Variants in SMYD3 observed in about 807,000 individuals in gnomAD.
SMYD3 encodes the protein histone-lysine N-methyltransferase SMYD3.
Under a neutral mutation model 57.7 loss-of-function variants are expected in SMYD3, and 36 were observed. The ratio of observed to expected loss-of-function variants is 0.62; its 90% CI spans 0.48 to 0.82. The LOEUF (loss-of-function observed/expected upper bound fraction) is 0.82, where lower values mean the gene tolerates loss of function less well. SMYD3 is among the 40% of genes least tolerant of loss of function. SMYD3 has a pLI of 0.00. For missense variants in SMYD3, 515 were observed against 538.8 expected (o/e 0.96, Z 0.44); for synonymous variants, 211 against 195.0 (o/e 1.08, Z -0.68).
chr1:246,343,816 A>G (rs897318712), intron 2 of SMYD3, among the ~76,000 whole-genome samples: 8 of 152,152 alleles, frequency 5.3e-5, no homozygotes, highest in African/African-American at 1.7e-4. Flanking sequence ...TTCTTCAAAC[A>G]ATAGTCTAAT....
In SMYD3 at chr1:246,142,671, CTGTT is replaced by C. The variant is rs112542914; in HGVS notation, c.531+184526_531+184529del. Among the ~76,000 whole-genome samples, 83 of 152,310 alleles carry C rather than the reference CTGTT, an allele frequency of 5.4e-4. 1 individual carries two copies. The highest frequency in any genetic ancestry group is 1.9e-3 in the African/African-American group (81 of 41,556). On this transcript the variant is annotated intron_variant, in intron 5 of 11. Transcript: ENST00000490107. ...CAGTGCACGACTGTAAACCTATGAA[CTGTT>C]TATTTCTGGAATTTTCCATGTAATA...
chr1:245,934,910 C>G (rs1326105074), intron 5 of SMYD3, among the ~76,000 whole-genome samples: 1 of 152,212 alleles, frequency 6.6e-6, no homozygotes, highest in Non-Finnish European at 1.5e-5. Context: ...TAAGCTGCAT[C>G]TTCACTACAC....
intron 1 of SMYD3, among the ~76,000 whole-genome samples, chr1:246,372,743 G>C (rs1226840790): frequency 6.6e-6 from 1 of 152,204 alleles, no homozygotes; most frequent in African/African-American, 2.4e-5. Context: ...GTAATCCAAG[G>C]ACTTTGTGGG....
At chr1:246,354,496 A>T (rs1162495642) in intron 2 of SMYD3, among the ~76,000 whole-genome samples, 1 of 152,224 alleles carries the variant, frequency 6.6e-6, no homozygotes, top group Non-Finnish European at 1.5e-5. Context: ...GGCAATACCA[A>T]ATATTAGAAA....
chr1:246,058,451 G>A (rs1159341316), intron 5 of SMYD3, among the ~76,000 whole-genome samples: 1 of 152,214 alleles, frequency 6.6e-6, no homozygotes, highest in Non-Finnish European at 1.5e-5. Context: ...AACTATGAAT[G>A]ATGAAAGAAA....
intron 8 of SMYD3, among the ~76,000 whole-genome samples, chr1:245,908,134 CA>C (rs552120464): frequency 1.4e-4 from 20 of 138,748 alleles, no homozygotes; most frequent in Non-Finnish European, 1.4e-4. Flanking sequence ...GACTCCATCT[CA>C]AAAAAAAAAA....
At chr1:245,976,550 A>ATGTTATT (rs2058431936) in intron 5 of SMYD3, among the ~76,000 whole-genome samples, 2 of 33,972 alleles carry the variant, frequency 5.9e-5, no homozygotes, top group Non-Finnish European at 6.9e-5. Context: ...TCTCTAGCCT[A>ATGTTATT]GGGAAAGCCA....
At chr1:246,489,602 A>G (rs1416982330) in intron 1 of SMYD3, among the ~76,000 whole-genome samples, 5 of 152,346 alleles carry the variant, frequency 3.3e-5, no homozygotes, top group South Asian at 4.1e-4. Context: ...AGAAGCTGAC[A>G]TTCTAAAACA....
intron 5 of SMYD3, among the ~76,000 whole-genome samples, chr1:246,168,988 C>A (rs1325956532): frequency 6.6e-6 from 1 of 152,120 alleles, no homozygotes; most frequent in Non-Finnish European, 1.5e-5. Flanking sequence ...TTAAATTTCC[C>A]ATTTGTAATA....
At chr1:246,047,088 A>G (rs775258868) in intron 5 of SMYD3, among the ~76,000 whole-genome samples, 1 of 152,242 alleles carries the variant, frequency 6.6e-6, no homozygotes. Context: ...TAATACATAC[A>G]TTTAATTCCA....
intron 5 of SMYD3, among the ~76,000 whole-genome samples, chr1:246,023,763 G>A (rs1488859340): frequency 6.6e-6 from 1 of 151,104 alleles, no homozygotes; most frequent in Non-Finnish European, 1.5e-5. Flanking sequence ...TATCTTTGGT[G>A]AGTCATTTAA....
At chr1:246,427,546 A>C (rs964051689) in intron 1 of SMYD3, among the ~76,000 whole-genome samples, 1 of 151,932 alleles carries the variant, frequency 6.6e-6, no homozygotes, top group East Asian at 1.9e-4. Flanking sequence ...AAAAAAAATA[A>C]ATGTGAGCAT....
At chr1:246,472,357 T>G (rs2067972258) in intron 1 of SMYD3, among the ~76,000 whole-genome samples, 1 of 152,252 alleles carries the variant, frequency 6.6e-6, no homozygotes, top group Admixed American at 6.5e-5. Flanking sequence ...CTATGTTGTT[T>G]TTTGTTGTCA....
intron 5 of SMYD3, among the ~76,000 whole-genome samples, chr1:246,293,254 A>G (rs1770029): frequency 0.46 from 69,555 of 151,858 alleles, 16,854 homozygotes; most frequent in East Asian, 0.82. Context: ...CTTCTGAACT[A>G]TATTTGGTCA....
intron 1 of SMYD3, among the ~76,000 whole-genome samples, chr1:246,436,354 T>C (rs909141864): frequency 2.6e-5 from 4 of 152,234 alleles, no homozygotes; most frequent in Non-Finnish European, 4.4e-5. Flanking sequence ...TTTGTTCTTA[T>C]AGACTATCTC....
intron 8 of SMYD3, among the ~76,000 whole-genome samples, chr1:245,866,205 T>A (rs1157331353): frequency 6.6e-6 from 1 of 152,056 alleles, no homozygotes; most frequent in Non-Finnish European, 1.5e-5. Context: ...AGAAAACAGA[T>A]CCTGAGACTC....
At chr1:246,430,664 G>C (rs2103008657) in intron 1 of SMYD3, among the ~76,000 whole-genome samples, 1 of 152,252 alleles carries the variant, frequency 6.6e-6, no homozygotes, top group African/African-American at 2.4e-5. Flanking sequence ...AAGCCACCCA[G>C]ATATAAGTAT....
At chr1:245,990,026 T>G (rs1040849854) in intron 5 of SMYD3, among the ~76,000 whole-genome samples, 3 of 152,212 alleles carry the variant, frequency 2.0e-5, no homozygotes, top group Non-Finnish European at 4.4e-5. Context: ...TGGAAGGTGT[T>G]TCTTCTACGT....
At chr1:245,946,326 C>T (rs1389745473) in intron 5 of SMYD3, among the ~76,000 whole-genome samples, 1 of 152,158 alleles carries the variant, frequency 6.6e-6, no homozygotes, top group Non-Finnish European at 1.5e-5. Context: ...CTTCCTCCAC[C>T]GCATGTGGAG....
Sources: gnomAD v4.1 joint callset for allele counts (sites outside exome capture counted in the v4.1 genomes callset) on GRCh38, gnomAD v4.1.1 for gene constraint, MANE v1.5 for transcripts, NCBI Gene and HGNC (gene_info 2026-07-23, HGNC 2026-07-21) for gene names.